Variants in ADRA1A observed in about 807,000 individuals in gnomAD.
ADRA1A encodes adrenoceptor alpha 1A.
ADRA1A carries 31 observed loss-of-function variants against 29.6 expected under a neutral mutation model. That is an observed-to-expected ratio of 1.05 (90% CI 0.79 to 1.41). The LOEUF (loss-of-function observed/expected upper bound fraction) is 1.41, where lower values mean the gene tolerates loss of function less well. Ranked by LOEUF, ADRA1A falls within the 40% of genes most tolerant of loss-of-function variation. ADRA1A has a pLI of 0.00. For missense variants in ADRA1A, 619 were observed against 601.1 expected (o/e 1.03, Z -0.31); for synonymous variants, 311 against 254.3 (o/e 1.22, Z -2.12).
chr8:26,779,209 C>A, intron 2 of ADRA1A: 1 of 663,768 alleles, frequency 1.5e-6, no homozygotes, highest in Non-Finnish European at 2.7e-6. Context: ...GAGCAGGAAC[C>A]CAATTAACAG....
rs1446235739 is a variant in ADRA1A, at chr8:26,823,707, G to A, written c.883+40380C>T. On this transcript the variant is annotated intron_variant, in intron 2 of 2. Transcript: ENST00000380573. The surrounding 1 kb of genome is among the most constrained non-coding windows in gnomAD (Gnocchi z 4.2). Reference sequence around the variant, plus strand: ...ACTAGTTGGCCTAGGACCCCTACCAGGACCATCATTTCATCACTCATACTT... The same window carrying A: ...ACTAGTTGGCCTAGGACCCCTACCAAGACCATCATTTCATCACTCATACTT... 6.6e-6 allele frequency among the ~76,000 whole-genome samples: 1 copy of A among 152,036 alleles called. No homozygotes were observed. Among genetic ancestry groups the A allele is most frequent in the African/African-American group, 2.4e-5 (1 of 41,374 alleles).
rs188458488 is a variant in ADRA1A at position 26,776,965 on chromosome 8, C to A, written c.884-6299G>T. ...CAGAGGAGAGAGACAGGCTGCCACA[C>A]CAACAGGCCAAGGAGCTCCAGTGCC... On this transcript the variant is annotated intron_variant, in intron 2 of 2. Transcript: ENST00000380573. Among the ~76,000 whole-genome samples the A allele has an allele frequency of 2.8e-3, 425 of 152,302 alleles. 8 individuals are homozygous for A. The highest frequency in any genetic ancestry group is 0.023 in the Admixed American group (354 of 15,302).
chr8:26,770,487 C>T lies in ADRA1A; in HGVS notation c.1063G>A (p.Ala355Thr). The change falls in exon 3 of 3, where the codon GCC (alanine) becomes ACC (threonine). Residue 355 changes from alanine (A) to threonine (T), a missense_variant. Ala to Thr is a moderately conservative substitution (Grantham distance 58). Transcript: ENST00000380573. ...GGCGGGTGCAGGGTGTAGCCCAGGG[C>T]ATGTTTGGAAGACTGCTTTCTGCAG... is the stretch of plus-strand genomic sequence containing the variant. ...CLCRKQSSKH[A>T]LGYTLHPPSQ... 6.2e-7 allele frequency: 1 copy of T among 1,614,170 alleles called. No individual in the cohort carries two copies. The highest frequency in any genetic ancestry group is 8.5e-7 in the Non-Finnish European group (1 of 1,180,040).
downstream of ADRA1A, among the ~76,000 whole-genome samples, chr8:26,761,372 G>A (rs541957070): frequency 2.6e-5 from 4 of 152,290 alleles, no homozygotes; most frequent in Admixed American, 6.5e-5. Context: ...GGGCTCAAAT[G>A]AGTCTCCTAC....
At chr8:26,862,493 T>C (rs888003562) in intron 2 of ADRA1A, among the ~76,000 whole-genome samples, 1 of 152,226 alleles carries the variant, frequency 6.6e-6, no homozygotes, top group Admixed American at 6.5e-5. Flanking sequence ...TTTTCTGCCC[T>C]GTTCATCCAA....
chr8:26,815,176 C>T lies in ADRA1A; in HGVS notation c.884-44510G>A, dbSNP rs185913227. Among the ~76,000 whole-genome samples, 38 of 152,246 alleles carry T rather than the reference C, an allele frequency of 2.5e-4. No individual in the cohort carries two copies. The highest frequency in any genetic ancestry group is 9.8e-4 in the Admixed American group (15 of 15,298). ...CTCACCAAGACTTACTGGGTTAAAT[C>T]TTGTGGTAAACTATAATAGGATAAC... On this transcript the variant is annotated intron_variant, in intron 2 of 2. Transcript: ENST00000380573. This position sits in a 1 kb window ranked among gnomAD's most constrained non-coding sequence, Gnocchi z 4.2.
chr8:26,836,084 A>G (rs1811335852), intron 2 of ADRA1A: 3 of 172,832 alleles, frequency 1.7e-5, no homozygotes, highest in Middle Eastern at 5.4e-4. Flanking sequence ...ATTCACACAT[A>G]GAGACATCAC....
In ADRA1A at chr8:26,806,585, G is replaced by A. The variant is rs993533172; in HGVS notation, c.884-35919C>T. Among the ~76,000 whole-genome samples the A allele has an allele frequency of 3.9e-5, 6 of 152,100 alleles. No homozygotes were observed. The highest frequency in any genetic ancestry group is 1.4e-4 in the African/African-American group (6 of 41,424). ...TAAGGAGGGCCACCATTAATTAGTG[G>A]GAAGATGTCATGCCTCACACTGGGG... On this transcript the variant is annotated intron_variant, in intron 2 of 2. Transcript: ENST00000380573. The surrounding 1 kb of genome is among the most constrained non-coding windows in gnomAD (Gnocchi z 4.6).
At chr8:26,772,460 A>G (rs1806239997) in intron 2 of ADRA1A, among the ~76,000 whole-genome samples, 1 of 152,010 alleles carries the variant, frequency 6.6e-6, no homozygotes. Flanking sequence ...GCTTTTAGTC[A>G]CAGCTTCGTG....
exon 3 of ADRA1A, chr8:26,748,734 A>G (rs1398632391): frequency 4.5e-5 from 17 of 376,008 alleles, no homozygotes; most frequent in Non-Finnish European, 8.1e-5. Context: ...GCCTGGTGAC[A>G]GAGCGAGACT....
chr8:26,786,261 G>T (rs1003043629), intron 2 of ADRA1A, among the ~76,000 whole-genome samples: 2 of 150,684 alleles, frequency 1.3e-5, no homozygotes, highest in Non-Finnish European at 2.9e-5. Context: ...TTGAGATAAG[G>T]TCTCACTCTC....
At chr8:26,849,285 G>A (rs954602397) in intron 2 of ADRA1A, among the ~76,000 whole-genome samples, 3 of 152,194 alleles carry the variant, frequency 2.0e-5, no homozygotes, top group Non-Finnish European at 4.4e-5. Flanking sequence ...CAGAAACTGC[G>A]ACACACACAG....
At chr8:26,816,427 AC>A (rs1384143439) in intron 2 of ADRA1A, among the ~76,000 whole-genome samples, 3 of 152,158 alleles carry the variant, frequency 2.0e-5, no homozygotes, top group African/African-American at 7.2e-5. Context: ...ATCAGAGCCC[AC>A]CCATGTGCTG....
At chr8:26,751,340 A>G (rs980118716) in intron 2 of ADRA1A, among the ~76,000 whole-genome samples, 2 of 152,232 alleles carry the variant, frequency 1.3e-5, no homozygotes, top group African/African-American at 4.8e-5. Flanking sequence ...ACAGAATAAA[A>G]GAGTTGTTTT....
chr8:26,810,940 T>C (rs1296619139), intron 2 of ADRA1A, among the ~76,000 whole-genome samples: 1 of 152,232 alleles, frequency 6.6e-6, no homozygotes, highest in Non-Finnish European at 1.5e-5. Flanking sequence ...TTCGCATGAC[T>C]TTTTAGTCTT....
intron 2 of ADRA1A, among the ~76,000 whole-genome samples, chr8:26,790,673 G>C (rs181007319): frequency 1.3e-5 from 2 of 152,098 alleles, no homozygotes; most frequent in East Asian, 3.9e-4. Context: ...ACTCTAATTT[G>C]ACCACTATAC....
At chr8:26,863,149 G>C (rs2130793872) in intron 2 of ADRA1A, among the ~76,000 whole-genome samples, 1 of 152,298 alleles carries the variant, frequency 6.6e-6, no homozygotes, top group East Asian at 1.9e-4. Flanking sequence ...TTGTTTTTTA[G>C]AGTTGGTGGA....
rs1477638913 is a variant in ADRA1A at position 26,775,110 on chromosome 8, C to A, written c.884-4444G>T. Among the ~76,000 whole-genome samples the A allele has an allele frequency of 6.6e-6, 1 of 152,190 alleles. No individual in the cohort carries two copies. The highest frequency in any genetic ancestry group is 1.5e-5 in the Non-Finnish European group (1 of 68,046). On this transcript the variant is annotated intron_variant, in intron 2 of 2. Transcript: ENST00000380573. The surrounding 1 kb of genome is among the most constrained non-coding windows in gnomAD (Gnocchi z 4.1). ...CCATCCGGCCGGCTTTGCTCACTCACGGAGCTCCAGAATCCAGTAAAATGC... is the reference window on the plus strand; with the variant it reads ...CCATCCGGCCGGCTTTGCTCACTCAAGGAGCTCCAGAATCCAGTAAAATGC...
intron 2 of ADRA1A, among the ~76,000 whole-genome samples, chr8:26,783,363 G>A (rs144947197): frequency 9.2e-5 from 14 of 152,246 alleles, no homozygotes; most frequent in Admixed American, 2.6e-4. Context: ...GATCATTTGC[G>A]TGACTGTTAA....
Sources: allele counts gnomAD v4.1 joint callset (sites outside exome capture counted in the v4.1 genomes callset), GRCh38; gene constraint gnomAD v4.1.1; non-coding constraint Gnocchi (gnomAD v3.1); transcripts MANE v1.5; gene names NCBI Gene and HGNC (gene_info 2026-07-23, HGNC 2026-07-21).